PCGF5: variants seen among roughly 807,000 people sequenced by gnomAD.
PCGF5 encodes polycomb group RING finger protein 5.
Under a neutral mutation model 44.3 loss-of-function variants are expected in PCGF5, and 9 were observed. The ratio of observed to expected loss-of-function variants is 0.20; its 90% confidence interval spans 0.12 to 0.35. PCGF5 has a LOEUF of 0.35. Ranked by LOEUF, PCGF5 falls within the 10% of genes least tolerant of loss-of-function variation. PCGF5 has a pLI of 1.00. For synonymous variants in PCGF5, 95 were observed against 102.5 expected (o/e 0.93, Z 0.44); for missense variants, 146 against 305.3 (o/e 0.48, Z 3.89).
chr10:91,201,120 T>C (rs148324240), intron 1 of PCGF5, among the ~76,000 whole-genome samples: 66 of 152,320 alleles, frequency 4.3e-4, no homozygotes, highest in Admixed American at 1.0e-3. Flanking sequence ...TGTCTTAGTT[T>C]GTTTTCTGTT....
chr10:91,170,686 T>C (rs955306660), intron 1 of PCGF5, among the ~76,000 whole-genome samples: 4 of 152,244 alleles, frequency 2.6e-5, no homozygotes, highest in African/African-American at 9.6e-5. Context: ...ACAGCTACTT[T>C]GGAAGACAGC....
At chr10:91,223,916 C>G (rs1564639069) in intron 2 of PCGF5, among the ~76,000 whole-genome samples, 1 of 152,074 alleles carries the variant, frequency 6.6e-6, no homozygotes. Context: ...CTCCAAAACC[C>G]ATGCTCTTTA....
intron 9 of PCGF5, among the ~76,000 whole-genome samples, chr10:91,277,911 G>A (rs1181216966): frequency 3.9e-5 from 6 of 151,952 alleles, no homozygotes; most frequent in Admixed American, 2.6e-4. Flanking sequence ...TGTCTTGTTC[G>A]CCTCCTAGGG....
At chr10:91,170,738 A>G (rs2133167980) in intron 1 of PCGF5, among the ~76,000 whole-genome samples, 1 of 152,328 alleles carries the variant, frequency 6.6e-6, no homozygotes, top group Middle Eastern at 3.4e-3. Context: ...TTACTGCACA[A>G]TCCAGCAGTT....
chr10:91,192,213 T>G (rs544477541), intron 1 of PCGF5, among the ~76,000 whole-genome samples: 1 of 152,346 alleles, frequency 6.6e-6, no homozygotes, highest in Non-Finnish European at 1.5e-5. Flanking sequence ...GAGGCATTTG[T>G]GGAATTTTTT....
intron 1 of PCGF5, among the ~76,000 whole-genome samples, chr10:91,188,418 C>T (rs1843966232): frequency 6.6e-6 from 1 of 151,976 alleles, no homozygotes; most frequent in African/African-American, 2.4e-5. Flanking sequence ...ACAATGAAGA[C>T]CCTAGAAGCA....
chr10:91,190,903 A>G (rs994141491), intron 1 of PCGF5, among the ~76,000 whole-genome samples: 2 of 152,174 alleles, frequency 1.3e-5, no homozygotes, highest in African/African-American at 4.8e-5. Context: ...TATTCAAAAT[A>G]TATCTTATTT....
rs1454155161 is a variant in PCGF5 at position 91,283,144 on chromosome 10, G to C, written c.*4828G>C. 6.6e-6 allele frequency: 1 copy of C among 152,124 alleles called. No individual in the cohort carries two copies. Among genetic ancestry groups the C allele is most frequent in the Non-Finnish European group, 1.5e-5 (1 of 68,028 alleles). 9.4% of individuals were successfully genotyped at this position (152,124 alleles called of 1,614,324 possible). ...AGTGTTCAATAGTTTTTATTGCAGT[G>C]ATGTTTTTCCAATAATTTAAGTAAT... On this transcript the variant is annotated 3_prime_UTR_variant, in exon 10 of 10. Transcript: ENST00000336126.
intron 2 of PCGF5, among the ~76,000 whole-genome samples, chr10:91,223,513 T>A (rs1329642528): frequency 6.6e-6 from 1 of 152,182 alleles, no homozygotes. Flanking sequence ...TTCTGAAGCA[T>A]GCTTAAGTTT....
intron 3 of PCGF5, among the ~76,000 whole-genome samples, chr10:91,242,675 C>T (rs1258240244): frequency 6.6e-6 from 1 of 152,174 alleles, no homozygotes; most frequent in Non-Finnish European, 1.5e-5. Flanking sequence ...GCATTCTGTT[C>T]ACCCAGATTA....
chr10:91,236,243 C>T (rs528491373), intron 2 of PCGF5, among the ~76,000 whole-genome samples: 1 of 152,310 alleles, frequency 6.6e-6, no homozygotes, highest in Admixed American at 6.5e-5. Flanking sequence ...CACAGCTGTG[C>T]AGCTGTGAGC....
At chr10:91,213,997 A>G (rs1023079293) in intron 1 of PCGF5, among the ~76,000 whole-genome samples, 2 of 152,118 alleles carry the variant, frequency 1.3e-5, no homozygotes, top group African/African-American at 2.4e-5. Context: ...AGTAAGACTC[A>G]TGTCCTTATA....
At chr10:91,220,462 C>T (rs1449616707), upstream of PCGF5, 1 of 152,784 alleles carries the variant, frequency 6.5e-6, no homozygotes, top group African/African-American at 2.4e-5. Flanking sequence ...GCCAGAGCTA[C>T]GTGTAGCACA....
chr10:91,260,777 A>G (rs1845884232), intron 6 of PCGF5, among the ~76,000 whole-genome samples: 1 of 124,340 alleles, frequency 8.0e-6, no homozygotes, highest in African/African-American at 3.0e-5. Flanking sequence ...ACATGGACAC[A>G]GGAAGGGGAA....
At chr10:91,231,197 T>C (rs185801360) in intron 2 of PCGF5, among the ~76,000 whole-genome samples, 102 of 152,302 alleles carry the variant, frequency 6.7e-4, no homozygotes, top group African/African-American at 2.3e-3. Flanking sequence ...TTCCTAACCA[T>C]TGTGTTCTCA....
intron 1 of PCGF5, among the ~76,000 whole-genome samples, chr10:91,180,997 C>T (rs1055340073): frequency 3.3e-5 from 5 of 152,080 alleles, no homozygotes; most frequent in Non-Finnish European, 5.9e-5. Context: ...GAATGTTTTT[C>T]AATTTGTGTC....
chr10:91,239,509 G>A (rs1353971175), intron 2 of PCGF5, among the ~76,000 whole-genome samples: 3 of 150,538 alleles, frequency 2.0e-5, no homozygotes, highest in East Asian at 3.9e-4. Context: ...TGATCTTGAG[G>A]AGAAAGAAGT....
chr10:91,222,624 A>G (rs1222532180), intron 1 of PCGF5, 65 bp from the exon 2 acceptor site: 1 of 513,912 alleles, frequency 1.9e-6, no homozygotes, highest in Non-Finnish European at 3.4e-6. Flanking sequence ...ATAGAATGAC[A>G]TTAATACATT....
intron 1 of PCGF5, among the ~76,000 whole-genome samples, chr10:91,189,577 T>C (rs995122053): frequency 9.9e-5 from 15 of 152,182 alleles, no homozygotes; most frequent in Non-Finnish European, 4.4e-5. Context: ...TTACCAAATA[T>C]CCAAGCTGAT....
Sources: allele counts gnomAD v4.1 joint callset (sites outside exome capture counted in the v4.1 genomes callset), GRCh38; gene constraint gnomAD v4.1.1; transcripts MANE v1.5; gene names NCBI Gene and HGNC (gene_info 2026-07-23, HGNC 2026-07-21).